The following ERMARD variants were observed in gnomAD, a reference collection of about 807,000 sequenced individuals.
The protein encoded by ERMARD is endoplasmic reticulum membrane-associated RNA degradation protein.
A neutral mutation model predicts 83.9 loss-of-function variants in ERMARD; 71 were observed. That is an observed-to-expected ratio of 0.85 (90% confidence interval 0.70 to 1.03). The LOEUF is 1.03. Among genes scored for constraint, ERMARD ranks in the 50% least tolerant of loss-of-function variants. The pLI is 0.00. For missense variants in ERMARD, 838 were observed against 810.9 expected (o/e 1.03, Z -0.41); for synonymous variants, 284 against 298.6 (o/e 0.95, Z 0.50).
chr6:169,776,478 T>A lies in ERMARD; in HGVS notation c.1544T>A (p.Leu515His), dbSNP rs2128365895. Residue 515 changes from leucine (L) to histidine (H), a missense_variant, in exon 16 of 18, where the codon CTC becomes CAC. By Grantham distance (99) the Leu-to-His change is moderately conservative. Coordinates refer to ENST00000366773, the MANE Select transcript of ERMARD (RefSeq NM_018341.3). ...AGGTGGCCCCAGCTTCTCCGTGAGC[T>A]CTGCAGCACACCTGTTCCCACCCTG... The part of the protein sequence containing the change: ...TETWPQLLRE[L>H]CSTPVPTLFC... The A allele has an allele frequency of 3.1e-6, 5 of 1,614,040 alleles. No homozygotes were observed. Among genetic ancestry groups the A allele is most frequent in the Non-Finnish European group, 4.2e-6 (5 of 1,179,992 alleles).
In ERMARD at chr6:169,776,049, C is replaced by G; in HGVS notation, c.1504C>G (p.Arg502Gly). ...TCGTTGTGTGTTAAAGGACTTGGAT[C>G]GTCTTCCTACTGAGACGTAAGTTCC... The part of the protein sequence containing the change: ...ENRCVLKDLD[R>G]LPTETWPQLL... The change falls in exon 15 of 18, where the codon CGT becomes GGT. Residue 502 changes from arginine (R) to glycine (G), a missense_variant. Arg to Gly is a moderately radical substitution (Grantham distance 125). Transcript: ENST00000366773. 1.9e-6 allele frequency: 3 copies of G among 1,613,894 alleles called. No individual in the cohort carries two copies. The highest frequency in any genetic ancestry group is 2.5e-6 in the Non-Finnish European group (3 of 1,179,946).
chr6:169,779,293 AAAGT>A lies in ERMARD; in HGVS notation c.1853+3_1853+6del. On this transcript the variant is annotated splice_donor_variant and coding_sequence_variant, in exon 17 of 18. Transcript: ENST00000366773. LOFTEE classifies it high-confidence loss of function. ...ATGCGCATGAGTATCAGCAGTACCTAAAGTAAGTGTGTCACAGTATGTCTGCAGT... is the reference window on the plus strand; with the variant it reads ...ATGCGCATGAGTATCAGCAGTACCTAAAGTGTGTCACAGTATGTCTGCAGT... 1 of 1,613,508 alleles carries A rather than the reference AAAGT, an allele frequency of 6.2e-7. No individual in the cohort carries two copies. Among genetic ancestry groups the A allele is most frequent in the South Asian group, 1.1e-5 (1 of 91,078 alleles).
chr6:169,775,408 C>T, intron 14 of ERMARD, 62 bp downstream of exon 14: 2 of 1,555,664 alleles, frequency 1.3e-6, no homozygotes, highest in Non-Finnish European at 1.8e-6. Context: ...GTTTCAGCAG[C>T]ATTTCTTCTT....
intron 11 of ERMARD, among the ~76,000 whole-genome samples, chr6:169,768,487 G>A (rs990392427): frequency 6.6e-6 from 1 of 152,252 alleles, no homozygotes; most frequent in African/African-American, 2.4e-5. Context: ...GCCGGGTGCG[G>A]TGGCTCATGC....
At chr6:169,755,506 C>T (rs1299849739) in intron 3 of ERMARD, 84 bp downstream of exon 3, 3 of 1,525,196 alleles carry the variant, frequency 2.0e-6, no homozygotes, top group Non-Finnish European at 2.7e-6. Flanking sequence ...TTTAAAGGGG[C>T]CTCCTTCATC....
At position 169,773,369 on chromosome 6, in the gene ERMARD, T is replaced by TC. The variant is rs1284873482; in HGVS notation, c.1285dup (p.Arg429ProfsTer9). 6.2e-7 allele frequency: 1 copy of TC among 1,614,070 alleles called. No homozygotes were observed. The highest frequency in any genetic ancestry group is 8.5e-7 in the Non-Finnish European group (1 of 1,180,030). On this transcript the variant is annotated frameshift_variant, in exon 13 of 18. Coordinates refer to ENST00000366773, the MANE Select transcript of ERMARD (RefSeq NM_018341.3). LOFTEE classifies it high-confidence loss of function. The stretch of plus-strand genomic sequence containing the variant: ...TTAGTCTTGCAGAAGGCTATAGTTC[T>TC]CGCTGTCATCCGGTTTTTCAGCTTA...
In ERMARD at chr6:169,753,888, A is replaced by G; in HGVS notation, c.31A>G (p.Thr11Ala). 6.2e-6 allele frequency: 10 copies of G among 1,601,986 alleles called. No homozygotes were observed. The highest frequency in any genetic ancestry group is 8.5e-6 in the Non-Finnish European group (10 of 1,173,566). ...GGTATTAATAGGGGACCCTATTACC[A>G]CATGTCTTTCTCCCTCAGTGTATGA... Reference protein sequence around the residue: MEVLIGDPITTCLSPSVYDII... With the variant: MEVLIGDPITACLSPSVYDII... The change falls in exon 2 of 18, where the codon ACA becomes GCA. Residue 11 changes from threonine (T) to alanine (A), a missense_variant. Coordinates refer to ENST00000366773, the MANE Select transcript of ERMARD (RefSeq NM_018341.3).
chr6:169,779,111 A>G (rs1026342872), intron 16 of ERMARD, 71 bp from the exon 17 acceptor site: 3 of 1,322,034 alleles, frequency 2.3e-6, no homozygotes, highest in Non-Finnish European at 2.2e-6. Context: ...TAGGTGAAAC[A>G]TCTTTTTCCT....
In ERMARD at chr6:169,767,949, C is replaced by T. The variant is rs1005311081; in HGVS notation, c.991-154C>T. The T allele has an allele frequency of 6.3e-5, 39 of 621,558 alleles. 1 individual carries two copies. The South Asian group carries it at 6.7e-4, about 11-fold the overall frequency. 38.5% of individuals were successfully genotyped at this position (621,558 alleles called of 1,614,324 possible). A position where few individuals can be genotyped will look rare whatever the true frequency, so the allele number is the denominator to read the frequency against. ...GTTGGTTAAGAAAATATTTCCTGAA[C>T]ACCTGTTTGCTGAATTTTAAAGACT... On this transcript the variant is annotated intron_variant, in intron 10 of 17. Coordinates refer to ENST00000366773, the MANE Select transcript of ERMARD (RefSeq NM_018341.3).
At chr6:169,753,814 C>G in intron 1 of ERMARD, 50 bp from the exon 2 acceptor site, 1 of 1,371,294 alleles carries the variant, frequency 7.3e-7, no homozygotes, top group Non-Finnish European at 9.7e-7. Flanking sequence ...ATATAATACT[C>G]TATTTTTCTT....
chr6:169,779,422 G>A lies in ERMARD; in HGVS notation c.1853+127G>A. 4.0e-6 allele frequency: 3 copies of A among 756,912 alleles called. No individual in the cohort carries two copies. The East Asian group carries it at 7.9e-5, about 20-fold the overall frequency. The allele number at this position is 756,912 out of a possible 1,614,324, so 46.9% of individuals were successfully genotyped here. ...CTTGGTGGCCCCACCGCCATCTCAG[G>A]CAAGGGTCTGACATCTGGCCTGCAA... On this transcript the variant is annotated intron_variant, in intron 17 of 17. Transcript: ENST00000366773.
In ERMARD at chr6:169,773,424, G is replaced by A. The variant is rs201629197; in HGVS notation, c.1317+22G>A. The A allele has an allele frequency of 1.7e-5, 27 of 1,612,244 alleles. No homozygotes were observed. The East Asian group carries it at 3.3e-4, about 20-fold the overall frequency. On this transcript the variant is annotated intron_variant, in intron 13 of 17. Transcript: ENST00000366773. ...ACAGGTATGCCAAATGCAGGGTCCC[G>A]GGAGGGGCGTGTATGTCTCTGAAAC...
intron 2 of ERMARD, 33 bp from the exon 3 acceptor site, chr6:169,755,250 A>C: frequency 6.2e-7 from 1 of 1,607,842 alleles, no homozygotes; most frequent in South Asian, 1.1e-5. Context: ...ATATGGAGCT[A>C]TGGTGCTGAA....
intron 5 of ERMARD, 105 bp downstream of exon 5, chr6:169,756,913 G>A: frequency 6.0e-6 from 6 of 1,005,928 alleles, no homozygotes; most frequent in Non-Finnish European, 9.1e-6. Flanking sequence ...TTGGACTTAC[G>A]GTTTCACATG....
At chr6:169,764,136 T>C (rs1367301953) in intron 9 of ERMARD, among the ~76,000 whole-genome samples, 1 of 152,214 alleles carries the variant, frequency 6.6e-6, no homozygotes, top group Non-Finnish European at 1.5e-5. Context: ...GACCTTGTGC[T>C]CTTCCTGTCC....
chr6:169,763,868 A>G (rs1473764991), intron 9 of ERMARD, among the ~76,000 whole-genome samples: 1 of 152,260 alleles, frequency 6.6e-6, no homozygotes, highest in Non-Finnish European at 1.5e-5. Context: ...CGGGCTCCCC[A>G]GTGTTGCTTC....
rs538021384 is a variant in ERMARD, at chr6:169,775,927, TTC to T, written c.1395-11_1395-10del. The T allele has an allele frequency of 3.5e-5, 56 of 1,613,624 alleles. No individual in the cohort carries two copies. In the Middle Eastern group the frequency reaches 4.9e-4, roughly 14 times the overall value. The stretch of plus-strand genomic sequence containing the variant: ...TAATTGTCACGTATCTTTAAATATT[TTC>T]TGTTTTTCAGATTAGAAGATAATTC... On this transcript the variant is annotated splice_polypyrimidine_tract_variant and intron_variant, in intron 14 of 17. Transcript: ENST00000366773.
intron 13 of ERMARD, 39 bp downstream of exon 13, chr6:169,773,441 C>G (rs747080596): frequency 6.3e-6 from 10 of 1,587,442 alleles, no homozygotes; most frequent in Middle Eastern, 1.7e-4. Context: ...GCGTGTATGT[C>G]TCTGAAACCA....
chr6:169,766,585 T>C (rs889509489), intron 9 of ERMARD, 53 bp from the exon 10 acceptor site: 1 of 1,463,100 alleles, frequency 6.8e-7, no homozygotes, highest in Non-Finnish European at 9.3e-7. Flanking sequence ...ATAGTGTTAG[T>C]GTATTTGTAT....
Sources: allele counts gnomAD v4.1 joint callset (sites outside exome capture counted in the v4.1 genomes callset), GRCh38; gene constraint gnomAD v4.1.1; transcripts MANE v1.5; gene names NCBI Gene and HGNC (gene_info 2026-07-23, HGNC 2026-07-21).